TRIP12: variants seen among roughly 807,000 people sequenced by gnomAD.
TRIP12 encodes the protein E3 ubiquitin-protein ligase TRIP12.
Under a neutral mutation model 244.2 loss-of-function variants are expected in TRIP12, and 25 were observed. The ratio of observed to expected loss-of-function variants is 0.10; its 90% CI spans 0.07 to 0.14. The LOEUF is 0.14. TRIP12 is among the 10% of genes least tolerant of loss of function. TRIP12 has a pLI of 1.00. For synonymous variants in TRIP12, 905 were observed against 873.1 expected (o/e 1.04, Z -0.64); for missense variants, 1,677 against 2,486.4 (o/e 0.67, Z 6.92).
At chr2:229,840,749 G>A in intron 5 of TRIP12, 73 bp downstream of exon 5, 2 of 1,019,756 alleles carry the variant, frequency 2.0e-6, no homozygotes, top group Non-Finnish European at 2.9e-6. Flanking sequence ...ATGGAGTTAA[G>A]TATTTTGATG....
At chr2:229,864,321 G>A (rs1217135420) in intron 2 of TRIP12, among the ~76,000 whole-genome samples, 1 of 152,112 alleles carries the variant, frequency 6.6e-6, no homozygotes, top group Admixed American at 6.5e-5. Flanking sequence ...AAATCCACTT[G>A]AGACTTATTT....
At chr2:229,873,926 A>C (rs1437771487) in intron 2 of TRIP12, among the ~76,000 whole-genome samples, 1 of 152,136 alleles carries the variant, frequency 6.6e-6, no homozygotes, top group Non-Finnish European at 1.5e-5. Context: ...CAGATGTAAA[A>C]ACGGGTCCAT....
chr2:229,858,975 C>A lies in TRIP12; in HGVS notation c.824G>T (p.Arg275Leu), dbSNP rs199831120. ...GCTGGGACTGGACGCTGAACGGGAA[C>A]GCCTGGCCTTGTTCTGATCTTTTCC... Reference protein sequence around the residue: ...KQGKDQNKARRSRSASSPSPR... With the variant: ...KQGKDQNKARLSRSASSPSPR... The change falls in exon 4 of 42, where the codon CGT (arginine) becomes CTT (leucine). Residue 275 changes from arginine to leucine, a missense_variant. This residue lies in a region of TRIP12 where 387 missense variants were observed against 392.6 expected (regional missense o/e 0.99). Transcript: ENST00000675903. The A allele has an allele frequency of 1.2e-6, 2 of 1,614,192 alleles. No individual in the cohort carries two copies. Among genetic ancestry groups the A allele is most frequent in the Admixed American group, 3.3e-5 (2 of 60,024 alleles).
intron 4 of TRIP12, among the ~76,000 whole-genome samples, chr2:229,841,870 A>G (rs2154311862): frequency 6.6e-6 from 1 of 152,360 alleles, no homozygotes; most frequent in East Asian, 1.9e-4. Flanking sequence ...CTTTGTGGAA[A>G]AGCAGCAGTA....
At chr2:229,858,676 G>A (rs1016296044) in intron 4 of TRIP12, 96 bp downstream of exon 4, 2 of 1,044,590 alleles carry the variant, frequency 1.9e-6, no homozygotes, top group South Asian at 1.7e-5. Flanking sequence ...ATCTAAGACT[G>A]GGGGGAAAAA....
intron 4 of TRIP12, among the ~76,000 whole-genome samples, chr2:229,849,288 A>T (rs1417956534): frequency 6.6e-6 from 1 of 152,232 alleles, no homozygotes; most frequent in Non-Finnish European, 1.5e-5. Context: ...AGTGTAAATA[A>T]CATTTAGATG....
At chr2:229,770,793 C>G (rs942618845) in intron 39 of TRIP12, among the ~76,000 whole-genome samples, 1 of 152,170 alleles carries the variant, frequency 6.6e-6, no homozygotes. Context: ...GTGAATATGT[C>G]TCACGAGATC....
chr2:229,822,000 C>T (rs1312768457), intron 8 of TRIP12, among the ~76,000 whole-genome samples: 4 of 152,110 alleles, frequency 2.6e-5, no homozygotes, highest in Admixed American at 6.5e-5. Flanking sequence ...ATTAGCCGGG[C>T]GCGGTGGTGT....
chr2:229,887,103 A>G (rs1418172372), intron 1 of TRIP12, among the ~76,000 whole-genome samples: 1 of 152,262 alleles, frequency 6.6e-6, no homozygotes, highest in African/African-American at 2.4e-5. Flanking sequence ...TCAAAATACT[A>G]GAAAGCCATG....
intron 1 of TRIP12, among the ~76,000 whole-genome samples, chr2:229,908,588 C>T (rs1370970060): frequency 2.6e-5 from 4 of 151,600 alleles, no homozygotes; most frequent in African/African-American, 4.9e-5. Flanking sequence ...AAAAATTAGC[C>T]GGGCGTGGTG....
At chr2:229,781,471 G>T (rs73099244) in intron 34 of TRIP12, among the ~76,000 whole-genome samples, 3,016 of 152,290 alleles carry the variant, frequency 0.02, 71 homozygotes, top group African/African-American at 0.066. Flanking sequence ...AGGGCTGAGA[G>T]GACACTGATG....
chr2:229,815,086 A>G lies in TRIP12; in HGVS notation c.1731+13T>C, dbSNP rs2048174818. 3 of 1,599,120 alleles carry G rather than the reference A, an allele frequency of 1.9e-6. No homozygotes were observed. The highest frequency in any genetic ancestry group is 3.5e-5 in the Admixed American group (2 of 57,094). On this transcript the variant is annotated intron_variant, in intron 11 of 41. Coordinates refer to ENST00000675903, the MANE Select transcript of TRIP12 (RefSeq NM_001348323.3). The stretch of plus-strand genomic sequence containing the variant: ...TGCCTGCTTTTGAACAAACGGGGTA[A>G]AAGTAGGATCACCTTTTCTAAAAAG...
At chr2:229,848,814 C>A (rs554140381) in intron 4 of TRIP12, among the ~76,000 whole-genome samples, 1 of 152,266 alleles carries the variant, frequency 6.6e-6, no homozygotes, top group East Asian at 1.9e-4. Context: ...CTATATAATT[C>A]TTGAAAATTC....
chr2:229,794,692 C>T (rs940803518), intron 26 of TRIP12, among the ~76,000 whole-genome samples: 2 of 152,034 alleles, frequency 1.3e-5, no homozygotes, highest in African/African-American at 4.8e-5. Flanking sequence ...TCCTGTAGCA[C>T]CTCAAGAGTC....
chr2:229,847,693 T>C (rs531176942), intron 4 of TRIP12, among the ~76,000 whole-genome samples: 2 of 152,314 alleles, frequency 1.3e-5, no homozygotes, highest in South Asian at 2.1e-4. Flanking sequence ...CAGGATCTGA[T>C]GATGCCAGAT....
chr2:229,771,334 G>A (rs188451429), intron 39 of TRIP12, among the ~76,000 whole-genome samples, 185 bp downstream of exon 39: 1 of 152,290 alleles, frequency 6.6e-6, no homozygotes, highest in East Asian at 1.9e-4. Flanking sequence ...AATCTAAGAG[G>A]GGACACCTAT....
At chr2:229,795,039 G>C in intron 26 of TRIP12, 140 bp downstream of exon 26, 1 of 922,812 alleles carries the variant, frequency 1.1e-6, no homozygotes, top group Non-Finnish European at 1.6e-6. Context: ...TCATTCTTTA[G>C]AGTGCTTAAT....
intron 39 of TRIP12, among the ~76,000 whole-genome samples, chr2:229,769,635 T>C (rs1388285257): frequency 2.0e-5 from 3 of 152,210 alleles, no homozygotes; most frequent in East Asian, 3.9e-4. Context: ...CTCATTACTT[T>C]AGGTGCTTTA....
At chr2:229,858,091 T>C (rs927319273) in intron 4 of TRIP12, among the ~76,000 whole-genome samples, 4 of 152,258 alleles carry the variant, frequency 2.6e-5, no homozygotes, top group East Asian at 1.9e-4. Flanking sequence ...TGGCCAGGCA[T>C]GGTAGCTCAC....
Sources: allele counts gnomAD v4.1 joint callset (sites outside exome capture counted in the v4.1 genomes callset), GRCh38; gene constraint gnomAD v4.1.1; regional missense constraint gnomAD v4.1.1; transcripts MANE v1.5; gene names NCBI Gene and HGNC (gene_info 2026-07-23, HGNC 2026-07-21).